LRRC37A2: variants seen among roughly 807,000 people sequenced by gnomAD.
The protein encoded by LRRC37A2 is leucine-rich repeat-containing protein 37A2.
Under a neutral mutation model 68.8 loss-of-function variants are expected in LRRC37A2, and 9 were observed. The ratio of observed to expected loss-of-function variants is 0.13; its 90% CI spans 0.08 to 0.23. The LOEUF (loss-of-function observed/expected upper bound fraction) is 0.23, where lower values mean the gene tolerates loss of function less well. LRRC37A2 is among the 10% of genes least tolerant of loss of function. The pLI, the probability that LRRC37A2 is intolerant of heterozygous loss-of-function variation, is 1.00. For missense variants in LRRC37A2, 168 were observed against 950.4 expected (o/e 0.18, Z 10.82); for synonymous variants, 63 against 367.6 (o/e 0.17, Z 9.48).
intron 6 of LRRC37A2, among the ~76,000 whole-genome samples, chr17:46,539,503 C>T (rs1396632710): frequency 1.3e-5 from 2 of 151,224 alleles, no homozygotes; most frequent in Non-Finnish European, 1.5e-5. Context: ...TGGCTCATGC[C>T]AGTAATCCTA....
At chr17:46,951,418 T>C in the LRRC37A2 span, among the ~76,000 whole-genome samples, 1 of 152,140 alleles carries the variant, frequency 6.6e-6, no homozygotes, top group Non-Finnish European at 1.5e-5. Flanking sequence ...GAGCCTGGGC[T>C]CCTCGCCCAG....
At chr17:46,802,752 G>C in the LRRC37A2 span, among the ~76,000 whole-genome samples, 1 of 152,236 alleles carries the variant, frequency 6.6e-6, no homozygotes, top group South Asian at 2.1e-4. Context: ...AACACGTGGA[G>C]GTTCCTGGAA....
chr17:46,924,901 T>C, the LRRC37A2 span, among the ~76,000 whole-genome samples: 5 of 152,226 alleles, frequency 3.3e-5, no homozygotes, highest in African/African-American at 1.2e-4. Flanking sequence ...TCTTATCTAG[T>C]TAATTTAGTT....
chr17:46,710,159 C>A, the LRRC37A2 span, among the ~76,000 whole-genome samples: 1 of 152,096 alleles, frequency 6.6e-6, no homozygotes, highest in Admixed American at 6.5e-5. Flanking sequence ...GATACATGAT[C>A]TTTACATGTA....
the LRRC37A2 span, chr17:46,875,198 C>T: frequency 1.2e-6 from 2 of 1,614,146 alleles, no homozygotes; most frequent in East Asian, 2.2e-5. Flanking sequence ...AGCGCTGCAC[C>T]TGTGATGACT....
the LRRC37A2 span, among the ~76,000 whole-genome samples, chr17:46,839,176 C>A: frequency 4.1e-3 from 626 of 152,310 alleles, 6 homozygotes; most frequent in African/African-American, 0.014. Context: ...CCGCACCTGG[C>A]CTCTAAAGAA....
the LRRC37A2 span, among the ~76,000 whole-genome samples, chr17:46,759,348 G>T: frequency 2.6e-5 from 4 of 152,232 alleles, no homozygotes; most frequent in African/African-American, 9.6e-5. Context: ...GAGCCCACAA[G>T]GGTGTGTGCT....
chr17:46,789,939 G>T, the LRRC37A2 span, among the ~76,000 whole-genome samples: 3 of 152,172 alleles, frequency 2.0e-5, no homozygotes, highest in Admixed American at 2.0e-4. Context: ...TCCCAGGAGG[G>T]CTTCTTTGCG....
At chr17:46,939,552 C>A in the LRRC37A2 span, 3 of 985,442 alleles carry the variant, frequency 3.0e-6, no homozygotes, top group Non-Finnish European at 3.6e-6. Context: ...GGGCCTTTGC[C>A]CCTTAGAAAG....
chr17:46,675,637 AACACAC>A, the LRRC37A2 span, among the ~76,000 whole-genome samples: 260 of 127,408 alleles, frequency 2.0e-3, 1 homozygote, highest in Non-Finnish European at 2.7e-3. Flanking sequence ...TCATAAGGAA[AACACAC>A]ACACACACAC....
chr17:46,760,031 G>A, the LRRC37A2 span, among the ~76,000 whole-genome samples: 1 of 152,198 alleles, frequency 6.6e-6, no homozygotes. Context: ...ACTTTGGGAG[G>A]CTGAAGTGGG....
the LRRC37A2 span, among the ~76,000 whole-genome samples, chr17:46,772,870 G>C: frequency 1.3e-5 from 2 of 152,008 alleles, no homozygotes; most frequent in Non-Finnish European, 2.9e-5. Context: ...TAATAGGAGG[G>C]AGGGCCAGGC....
At chr17:46,736,829 T>C in the LRRC37A2 span, among the ~76,000 whole-genome samples, 33 of 152,154 alleles carry the variant, frequency 2.2e-4, no homozygotes, top group African/African-American at 8.0e-4. Context: ...ATGCTGTGGG[T>C]TTTGGAGTAA....
chr17:47,030,041 G>A, the LRRC37A2 span, among the ~76,000 whole-genome samples: 2,755 of 148,656 alleles, frequency 0.019, 80 homozygotes, highest in African/African-American at 0.06. Context: ...CCAGCTTGAG[G>A]GACAGAGTGA....
chr17:46,851,619 G>C, the LRRC37A2 span: 1 of 1,246,234 alleles, frequency 8.0e-7, no homozygotes, highest in South Asian at 3.0e-5. This position sits in a 1 kb window ranked among gnomAD's most constrained non-coding sequence, Gnocchi z 4.3. Flanking sequence ...GATGCTAGAG[G>C]GCGCAGCGCC....
chr17:46,463,191 TAAAC>T, the LRRC37A2 span, among the ~76,000 whole-genome samples: 1 of 52,802 alleles, frequency 1.9e-5, no homozygotes, highest in East Asian at 3.6e-4. Context: ...GATTATTTCT[TAAAC>T]AACCTGGCAA....
At chr17:46,976,825 A>C in the LRRC37A2 span, among the ~76,000 whole-genome samples, 15 of 152,194 alleles carry the variant, frequency 9.9e-5, no homozygotes, top group Non-Finnish European at 1.5e-4. Flanking sequence ...CTACATGACG[A>C]AGCCACTTAT....
chr17:46,443,805 T>TTTATTA, the LRRC37A2 span, among the ~76,000 whole-genome samples: 72 of 22,110 alleles, frequency 3.3e-3, 8 homozygotes, highest in African/African-American at 8.9e-3. Context: ...TACATTTCTT[T>TTTATTA]TTATTATTAT....
At chr17:46,812,930 C>T in the LRRC37A2 span, among the ~76,000 whole-genome samples, 2 of 152,150 alleles carry the variant, frequency 1.3e-5, no homozygotes, top group African/African-American at 4.8e-5. Context: ...AATCATTACA[C>T]TCATTTTACA....
Sources: gnomAD v4.1 joint callset for allele counts (sites outside exome capture counted in the v4.1 genomes callset) on GRCh38, gnomAD v4.1.1 for gene constraint, Gnocchi (gnomAD v3.1) non-coding constraint, MANE v1.5 for transcripts, NCBI Gene and HGNC (gene_info 2026-07-23, HGNC 2026-07-21) for gene names.